Variants in PPP2R5E observed in about 807,000 individuals in gnomAD.
PPP2R5E encodes protein phosphatase 2 regulatory subunit B'epsilon.
A neutral mutation model predicts 65.3 loss-of-function variants in PPP2R5E; 4 were observed. The observed-to-expected ratio is 0.06, with a 90% CI of 0.03 to 0.14. PPP2R5E has a LOEUF of 0.14. Among genes scored for constraint, PPP2R5E ranks in the 10% least tolerant of loss-of-function variants. PPP2R5E has a pLI of 1.00. For synonymous variants in PPP2R5E, 183 were observed against 187.4 expected (o/e 0.98, Z 0.19); for missense variants, 274 against 556.1 (o/e 0.49, Z 5.10).
chr14:63,417,864 A>G (rs578171373), intron 4 of PPP2R5E, among the ~76,000 whole-genome samples: 2 of 152,176 alleles, frequency 1.3e-5, no homozygotes, highest in Admixed American at 6.5e-5. Context: ...AGGACAAATC[A>G]TATATACAGC....
intron 2 of PPP2R5E, among the ~76,000 whole-genome samples, chr14:63,472,647 A>G (rs1254362438): frequency 6.6e-6 from 1 of 152,268 alleles, no homozygotes; most frequent in African/African-American, 2.4e-5. Context: ...AAGCATGAAT[A>G]GAACAAGGAA....
At chr14:63,419,119 T>TTACAGGTA (rs1182389404) in intron 4 of PPP2R5E, among the ~76,000 whole-genome samples, 5 of 152,208 alleles carry the variant, frequency 3.3e-5, no homozygotes, top group Non-Finnish European at 7.3e-5. Context: ...AGTGTTAGTA[T>TTACAGGTA]TACAGGTATG....
intron 5 of PPP2R5E, among the ~76,000 whole-genome samples, chr14:63,401,916 T>C (rs2139819764): frequency 6.6e-6 from 1 of 152,110 alleles, no homozygotes; most frequent in East Asian, 1.9e-4. Flanking sequence ...CCAGATATAT[T>C]TGATGGTAAG....
At chr14:63,539,897 G>A (rs1338278292) in intron 1 of PPP2R5E, among the ~76,000 whole-genome samples, 2 of 152,080 alleles carry the variant, frequency 1.3e-5, no homozygotes, top group Non-Finnish European at 2.9e-5. Flanking sequence ...AGGCTGAGAT[G>A]GGTGGATCAC....
intron 2 of PPP2R5E, among the ~76,000 whole-genome samples, chr14:63,480,220 G>A (rs1329152601): frequency 2.0e-5 from 3 of 152,064 alleles, no homozygotes; most frequent in Non-Finnish European, 2.9e-5. Flanking sequence ...CACTTTGGGA[G>A]GCCAAGGAGG....
At position 63,460,043 on chromosome 14, in the gene PPP2R5E, C is replaced by T. The variant is rs192359310; in HGVS notation, c.158-6158G>A. On this transcript the variant is annotated intron_variant, in intron 2 of 13. Transcript: ENST00000337537. Reference sequence around the variant, plus strand: ...ATACACGTTTTTTAAAGGTTCAAAACGTGTCATAGAATGACTAGCACAGAT... The same window carrying T: ...ATACACGTTTTTTAAAGGTTCAAAATGTGTCATAGAATGACTAGCACAGAT... Among the ~76,000 whole-genome samples, 5 of 152,232 alleles carry T rather than the reference C, an allele frequency of 3.3e-5. No individual in the cohort carries two copies. In the South Asian group the frequency reaches 6.2e-4, roughly 19 times the overall value.
rs547903554 is a variant in PPP2R5E at position 63,372,874 on chromosome 14, T to C, written c.*3135A>G. On this transcript the variant is annotated 3_prime_UTR_variant, in exon 14 of 14. Coordinates refer to ENST00000337537, the MANE Select transcript of PPP2R5E (RefSeq NM_006246.5). ...CAAACAAGCCCAAGATGAAGGAGCA[T>C]AACCCTGCTTGTGAGTATCCAGTGG... The C allele has an allele frequency of 3.3e-5, 5 of 152,286 alleles. No homozygotes were observed. In the South Asian group the frequency reaches 1.0e-3, roughly 32 times the overall value. 9.4% of individuals were successfully genotyped at this position (152,286 alleles called of 1,614,324 possible).
At chr14:63,503,743 T>C (rs554296383) in intron 2 of PPP2R5E, among the ~76,000 whole-genome samples, 18 of 152,308 alleles carry the variant, frequency 1.2e-4, no homozygotes, top group Admixed American at 1.2e-3. Context: ...TGTCTTCTCT[T>C]AGGTATACTG....
intron 3 of PPP2R5E, among the ~76,000 whole-genome samples, chr14:63,446,602 G>C (rs1594884461): frequency 6.6e-6 from 1 of 152,180 alleles, no homozygotes; most frequent in East Asian, 1.9e-4. Context: ...GGCCGAGGCG[G>C]GTGGACCACG....
intron 6 of PPP2R5E, 65 bp from the exon 7 acceptor site, chr14:63,395,350 G>C: frequency 1.1e-6 from 1 of 907,284 alleles, no homozygotes; most frequent in Middle Eastern, 2.4e-4. Flanking sequence ...GGGATAAAAA[G>C]AGGAGGAGGA....
chr14:63,522,974 T>C (rs868195551), intron 2 of PPP2R5E, among the ~76,000 whole-genome samples: 5 of 119,204 alleles, frequency 4.2e-5, no homozygotes, highest in Non-Finnish European at 3.5e-5. Context: ...GTCAGCCCCC[T>C]GCCCGGCCAG....
chr14:63,438,519 A>G (rs1888049017), intron 3 of PPP2R5E, among the ~76,000 whole-genome samples: 1 of 152,204 alleles, frequency 6.6e-6, no homozygotes, highest in African/African-American at 2.4e-5. Flanking sequence ...TGAATGCAGT[A>G]CTGTAACTTA....
intron 5 of PPP2R5E, among the ~76,000 whole-genome samples, chr14:63,409,218 G>A (rs566568570): frequency 2.6e-5 from 4 of 152,234 alleles, no homozygotes; most frequent in Admixed American, 1.3e-4. Context: ...GGGTGACAGA[G>A]CAAGACTCTG....
Position 63,396,673 on chromosome 14 carries a change from T to C in PPP2R5E, c.593A>G (p.Tyr198Cys), listed in dbSNP as rs763945045. Residue 198 changes from tyrosine to cysteine, a missense_variant, in exon 6 of 14, where the codon TAC becomes TGC. This residue lies in a region of PPP2R5E where 17 missense variants were observed against 90.3 expected (regional missense o/e 0.19). Coordinates refer to ENST00000337537, the MANE Select transcript of PPP2R5E (RefSeq NM_006246.5). ...AATTCTGTGTAAGACTGTTTTTAAG[T>C]AGTCCCGTTCCCGAGGGTCTTCGCT... ...FDSEDPRERD[Y>C]LKTVLHRIYG... is the part of the protein sequence containing the mutation. The C allele has an allele frequency of 8.1e-6, 13 of 1,613,512 alleles. No homozygotes were observed. The highest frequency in any genetic ancestry group is 1.0e-5 in the Non-Finnish European group (12 of 1,179,708).
rs752846939 is a variant in PPP2R5E, at chr14:63,389,593, T to A, written c.1074+19A>T. On this transcript the variant is annotated intron_variant, in intron 11 of 13. Transcript: ENST00000337537. Reference sequence around the variant, plus strand: ...AAAATAACTCATGCTCCCTGGCTCATGTCCTCTTTACTACTAACCTGAAAA... The same window carrying A: ...AAAATAACTCATGCTCCCTGGCTCAAGTCCTCTTTACTACTAACCTGAAAA... The A allele has an allele frequency of 6.3e-7, 1 of 1,591,016 alleles. No individual in the cohort carries two copies. The highest frequency in any genetic ancestry group is 1.8e-5 in the Admixed American group (1 of 54,880).
At chr14:63,451,904 AAAAT>A (rs2139471459) in intron 3 of PPP2R5E, 1 of 152,314 alleles carries the variant, frequency 6.6e-6, no homozygotes, top group East Asian at 1.9e-4. Context: ...TAAATTTTTA[AAAAT>A]AAATAAGTAT....
intron 5 of PPP2R5E, among the ~76,000 whole-genome samples, chr14:63,411,645 A>G (rs1264459395): frequency 1.6e-5 from 2 of 123,350 alleles, no homozygotes; most frequent in East Asian, 2.6e-4. Flanking sequence ...AGCTACCGTG[A>G]GATGTGGTTG....
chr14:63,439,354 G>GT (rs529162433), intron 3 of PPP2R5E, among the ~76,000 whole-genome samples: 8,397 of 142,742 alleles, frequency 0.059, 573 homozygotes, highest in African/African-American at 0.16. Context: ...GTCCTGGTCT[G>GT]TTTTTTTTTT....
chr14:63,522,313 G>A (rs1185873084), intron 2 of PPP2R5E, among the ~76,000 whole-genome samples: 3 of 151,642 alleles, frequency 2.0e-5, no homozygotes, highest in African/African-American at 2.4e-5. Flanking sequence ...CCTCCCAGCC[G>A]CCTGCCTTGG....
Sources: allele counts gnomAD v4.1 joint callset (sites outside exome capture counted in the v4.1 genomes callset), GRCh38; gene constraint gnomAD v4.1.1; regional missense constraint gnomAD v4.1.1; transcripts MANE v1.5; gene names NCBI Gene and HGNC (gene_info 2026-07-23, HGNC 2026-07-21).